Variants in NUCB2 observed in about 807,000 individuals in gnomAD.
NUCB2 encodes the protein nucleobindin 2.
In NUCB2, 48 loss-of-function variants were observed where a neutral mutation model predicts 57.9. The observed-to-expected ratio is 0.83, with a 90% confidence interval of 0.66 to 1.05. The LOEUF is 1.05. Ranked by LOEUF, NUCB2 falls within the 50% of genes least tolerant of loss-of-function variation. The pLI is 0.00. For missense variants in NUCB2, 442 were observed against 476.2 expected (o/e 0.93, Z 0.67); for synonymous variants, 139 against 152.1 (o/e 0.91, Z 0.64).
chr11:17,319,655 T>C lies in NUCB2; in HGVS notation c.1002+4180T>C, dbSNP rs180849691. On this transcript the variant is annotated intron_variant, in intron 11 of 13. Transcript: ENST00000529010. Reference sequence around the variant, plus strand: ...ATATTCATTTCTACATATCTATCAATATATATTAAAACTCATGAATTTACA... The same window carrying C: ...ATATTCATTTCTACATATCTATCAACATATATTAAAACTCATGAATTTACA... Among the ~76,000 whole-genome samples, 229 of 152,332 alleles carry C rather than the reference T, an allele frequency of 1.5e-3. 4 individuals are homozygous for C. Among genetic ancestry groups the C allele is most frequent in the Admixed American group, 0.013 (193 of 15,290 alleles).
chr11:17,301,023 A>G (rs1354011704), intron 4 of NUCB2, among the ~76,000 whole-genome samples: 1 of 119,448 alleles, frequency 8.4e-6, no homozygotes, highest in East Asian at 2.5e-4. Context: ...CCCAGGCTGG[A>G]GTGCAATGGC....
chr11:17,324,340 C>T (rs150447923), intron 11 of NUCB2, among the ~76,000 whole-genome samples: 2,194 of 152,140 alleles, frequency 0.014, 61 homozygotes, highest in African/African-American at 0.049. Context: ...TGTTTAATTT[C>T]CATGTGTTTG....
At chr11:17,323,194 C>A (rs544492620) in intron 11 of NUCB2, among the ~76,000 whole-genome samples, 3 of 152,024 alleles carry the variant, frequency 2.0e-5, no homozygotes, top group Non-Finnish European at 2.9e-5. Context: ...TTTTCCCATT[C>A]GGTATGATAT....
At position 17,315,866 on chromosome 11, in the gene NUCB2, A is replaced by G. The variant is rs10466383; in HGVS notation, c.1002+391A>G. On this transcript the variant is annotated intron_variant, in intron 11 of 13. Coordinates refer to ENST00000529010, the MANE Select transcript of NUCB2 (RefSeq NM_005013.4). ...TTGGAATGGTATGCAGTTTGTATAT[A>G]TAGTATATGCACATATACAGTATGT... 4.7e-3 allele frequency among the ~76,000 whole-genome samples: 707 copies of G among 151,618 alleles called. 9 individuals are homozygous for G. Among genetic ancestry groups the G allele is most frequent in the African/African-American group, 0.016 (675 of 41,520 alleles).
At chr11:17,344,764 G>T (rs554127684) in intron 2 of NUCB2, among the ~76,000 whole-genome samples, 6 of 152,318 alleles carry the variant, frequency 3.9e-5, no homozygotes, top group Admixed American at 3.3e-4. Flanking sequence ...CAGAGGCTAA[G>T]TATTTTTGTA....
At chr11:17,345,694 G>C (rs925055828) in intron 2 of NUCB2, among the ~76,000 whole-genome samples, 9 of 152,100 alleles carry the variant, frequency 5.9e-5, no homozygotes, top group African/African-American at 2.2e-4. Context: ...GTGGCAGAGC[G>C]ACACTCCGTC....
At chr11:17,288,974 T>TTTG (rs1944466621) in intron 2 of NUCB2, among the ~76,000 whole-genome samples, 1 of 142,822 alleles carries the variant, frequency 7.0e-6, no homozygotes, top group Non-Finnish European at 1.5e-5. Flanking sequence ...TTTTTTTTTT[T>TTTG]TGAGATGGAG....
At chr11:17,288,552 C>CTTCTTCTTTTTT (rs1375589442) in intron 2 of NUCB2, among the ~76,000 whole-genome samples, 3 of 101,190 alleles carry the variant, frequency 3.0e-5, no homozygotes, top group African/African-American at 1.3e-4. Context: ...TCTTCTTCTT[C>CTTCTTCTTTTTT]TTTTTTTTTT....
At chr11:17,346,466 AG>A (rs66807312) in intron 2 of NUCB2, among the ~76,000 whole-genome samples, 44,424 of 151,974 alleles carry the variant, frequency 0.29, 7,941 homozygotes, top group South Asian at 0.39. Context: ...GAGTCTAATA[AG>A]CATTTAGATG....
intron 11 of NUCB2, among the ~76,000 whole-genome samples, chr11:17,319,972 A>G (rs1407442168): frequency 6.6e-6 from 1 of 152,108 alleles, no homozygotes; most frequent in Non-Finnish European, 1.5e-5. Flanking sequence ...TCCCACTTAT[A>G]AGTGAGAACA....
In NUCB2 at chr11:17,311,289, G is replaced by T. The variant is rs772733997; in HGVS notation, c.760+6G>T. Reference sequence around the variant, plus strand: ...GACATTTTTCAAATTACATGGTAACGATTTGATACAAATATTAATATTTAT... The same window carrying T: ...GACATTTTTCAAATTACATGGTAACTATTTGATACAAATATTAATATTTAT... On this transcript the variant is annotated splice_donor_region_variant and intron_variant, in intron 8 of 13. Transcript: ENST00000529010. 2.6e-6 allele frequency: 4 copies of T among 1,543,764 alleles called. No homozygotes were observed. The African/African-American group carries it at 5.5e-5, about 21-fold the overall frequency.
rs186972125 is a variant in NUCB2, at chr11:17,345,624, T to A, written n.2627-3721T>A. ...CAGGAGGCTGAGGCAGGAGAATCAC[T>A]TGAGGCCGGGAGGCGGAGGTTGCAG... On this transcript the variant is annotated intron_variant and non_coding_transcript_variant, in intron 2 of 2. Coordinates refer to the NUCB2 transcript ENST00000532240. 4.4e-3 allele frequency among the ~76,000 whole-genome samples: 667 copies of A among 152,256 alleles called. 2 individuals are homozygous for A. Among genetic ancestry groups the A allele is most frequent in the Middle Eastern group, 0.01 (3 of 294 alleles).
At chr11:17,286,793 C>G (rs1418065687) in intron 2 of NUCB2, 1 of 152,204 alleles carries the variant, frequency 6.6e-6, no homozygotes, top group Non-Finnish European at 1.5e-5. Context: ...TATATTTTCT[C>G]ATTCATGAAA....
intron 2 of NUCB2, among the ~76,000 whole-genome samples, chr11:17,288,946 CACACATATATAT>C (rs1250379531): frequency 9.3e-5 from 6 of 64,762 alleles, no homozygotes; most frequent in Non-Finnish European, 1.3e-4. Flanking sequence ...CACACACACA[CACACATATATAT>C]ATATATTTTT....
chr11:17,337,486 C>T (rs1951913251), exon 2 of NUCB2: 1 of 152,130 alleles, frequency 6.6e-6, no homozygotes, highest in Middle Eastern at 3.2e-3. Flanking sequence ...GGTGCCTCAA[C>T]TTAATACTTT....
intron 11 of NUCB2, among the ~76,000 whole-genome samples, chr11:17,317,079 A>C (rs1443895708): frequency 2.6e-5 from 4 of 152,194 alleles, no homozygotes; most frequent in Non-Finnish European, 5.9e-5. Flanking sequence ...CATCTGGTAG[A>C]CTAGAAGATC....
At chr11:17,322,054 T>A (rs912643733) in intron 11 of NUCB2, among the ~76,000 whole-genome samples, 2 of 152,184 alleles carry the variant, frequency 1.3e-5, no homozygotes, top group African/African-American at 4.8e-5. Flanking sequence ...ATCCCTTCAC[T>A]TTGTTGATTT....
intron 2 of NUCB2, chr11:17,283,581 C>T (rs747709711): frequency 1.3e-5 from 2 of 152,158 alleles, no homozygotes; most frequent in African/African-American, 2.4e-5. Flanking sequence ...AATTGTGTTT[C>T]TGTTTTTACT....
chr11:17,297,293 T>G (rs1945975687), intron 4 of NUCB2, among the ~76,000 whole-genome samples: 1 of 152,154 alleles, frequency 6.6e-6, no homozygotes, highest in African/African-American at 2.4e-5. Flanking sequence ...AAAGACTCAT[T>G]CTGGGTCAAA....
Sources: gnomAD v4.1 joint callset for allele counts (sites outside exome capture counted in the v4.1 genomes callset) on GRCh38, gnomAD v4.1.1 for gene constraint, MANE v1.5 for transcripts, NCBI Gene and HGNC (gene_info 2026-07-23, HGNC 2026-07-21) for gene names.